Variants in NIM1K observed in about 807,000 individuals in gnomAD.
The protein encoded by NIM1K is serine/threonine-protein kinase NIM1.
NIM1K carries 35 observed loss-of-function variants against 37.1 expected under a neutral mutation model. That is an observed-to-expected ratio of 0.94 (90% confidence interval 0.72 to 1.25). NIM1K has a LOEUF of 1.25. Ranked by LOEUF, NIM1K falls within the 50% of genes most tolerant of loss-of-function variation. NIM1K has a pLI of 0.00. For missense variants in NIM1K, 564 were observed against 548.0 expected (o/e 1.03, Z -0.29); for synonymous variants, 234 against 206.6 (o/e 1.13, Z -1.14).
intron 2 of NIM1K, among the ~76,000 whole-genome samples, chr5:43,275,674 T>A (rs866697858): frequency 2.0e-5 from 3 of 151,926 alleles, no homozygotes; most frequent in African/African-American, 7.3e-5. Context: ...GAGAGGGAGA[T>A]AAACAAGGGA....
In NIM1K at chr5:43,277,039, T is replaced by G; in HGVS notation, c.293-18T>G. 1 of 1,611,764 alleles carries G rather than the reference T, an allele frequency of 6.2e-7. No homozygotes were observed. The highest frequency in any genetic ancestry group is 8.5e-7 in the Non-Finnish European group (1 of 1,179,142). On this transcript the variant is annotated intron_variant, in intron 2 of 3. Transcript: ENST00000326035. ...CTCCTGTGAATTCTGGCACAATTTT[T>G]ACTTTTTTTCCTTGCAGAAAAGGTG...
intron 1 of NIM1K, among the ~76,000 whole-genome samples, chr5:43,229,370 G>A (rs1412916269): frequency 1.2e-5 from 1 of 83,546 alleles, no homozygotes. Context: ...GGCTACAAGA[G>A]CAAAACTCCA....
chr5:43,258,565 T>C (rs1231858370), intron 2 of NIM1K, among the ~76,000 whole-genome samples: 1 of 151,958 alleles, frequency 6.6e-6, no homozygotes, highest in African/African-American at 2.4e-5. Flanking sequence ...CCTCAGCCTC[T>C]GGAGTAGCTG....
At chr5:43,264,110 C>T (rs145289875) in intron 2 of NIM1K, among the ~76,000 whole-genome samples, 2 of 152,166 alleles carry the variant, frequency 1.3e-5, no homozygotes, top group East Asian at 1.9e-4. Context: ...GATTTGGGGT[C>T]GAGAGTTCTG....
At chr5:43,273,165 G>A (rs964370523) in intron 2 of NIM1K, among the ~76,000 whole-genome samples, 2 of 150,654 alleles carry the variant, frequency 1.3e-5, no homozygotes, top group Admixed American at 6.6e-5. Context: ...CAGGCTTGCT[G>A]CTCCTCTCTG....
At chr5:43,207,361 G>A in intron 1 of NIM1K, 1 of 784,114 alleles carries the variant, frequency 1.3e-6, no homozygotes, top group South Asian at 1.3e-5. Flanking sequence ...ACCAAATGGT[G>A]ATCAATAGAT....
rs771487658 is a variant in NIM1K at position 43,246,053 on chromosome 5, A to G, written c.278A>G (p.His93Arg). 4 of 1,611,410 alleles carry G rather than the reference A, an allele frequency of 2.5e-6. No homozygotes were observed. In the Admixed American group the frequency reaches 6.7e-5, roughly 27 times the overall value. ...TTCTCCCAAGTGAAGCTTGGGATTC[A>G]CTCCCTAACCAAAGGTAGGATCCGA... ...GNFSQVKLGI[H>R]SLTKEKVAIK... The change falls in exon 2 of 4, where the codon CAC becomes CGC. Residue 93 changes from histidine (H) to arginine (R), a missense_variant. Transcript: ENST00000326035.
chr5:43,211,193 G>C (rs1752199397), intron 1 of NIM1K, among the ~76,000 whole-genome samples: 1 of 152,020 alleles, frequency 6.6e-6, no homozygotes. Flanking sequence ...AGAAAAGAAA[G>C]AGGAAAGAAA....
At chr5:43,232,107 TG>T in intron 1 of NIM1K, 1 of 1,050,506 alleles carries the variant, frequency 9.5e-7, no homozygotes, top group Non-Finnish European at 1.4e-6. Flanking sequence ...TGGCAGTTAA[TG>T]CCAACCTTGA....
intron 1 of NIM1K, among the ~76,000 whole-genome samples, chr5:43,227,004 G>A (rs771690244): frequency 5.3e-5 from 8 of 152,200 alleles, no homozygotes; most frequent in Non-Finnish European, 1.0e-4. Flanking sequence ...GTGAGAACAA[G>A]CAGGTTCCAT....
At chr5:43,260,101 A>C (rs1160858109) in intron 2 of NIM1K, among the ~76,000 whole-genome samples, 1 of 152,142 alleles carries the variant, frequency 6.6e-6, no homozygotes, top group African/African-American at 2.4e-5. Context: ...GTTTTAAAAA[A>C]AGAGAAAAAT....
At chr5:43,251,607 C>T (rs551727328) in intron 2 of NIM1K, among the ~76,000 whole-genome samples, 18 of 152,216 alleles carry the variant, frequency 1.2e-4, no homozygotes, top group East Asian at 1.2e-3. Context: ...GAAGTAGGGC[C>T]GGGTCTTAAG....
At chr5:43,213,315 CTT>C (rs1247789993) in intron 1 of NIM1K, among the ~76,000 whole-genome samples, 1 of 113,384 alleles carries the variant, frequency 8.8e-6, no homozygotes, top group African/African-American at 3.2e-5. Context: ...CTTTTCTTTT[CTT>C]TTCTTTTCTT....
intron 2 of NIM1K, among the ~76,000 whole-genome samples, chr5:43,274,714 T>C (rs528702148): frequency 3.3e-5 from 5 of 152,332 alleles, no homozygotes; most frequent in Non-Finnish European, 7.4e-5. Flanking sequence ...TATTGCCTCC[T>C]GCGAGGGGCG....
chr5:43,231,238 G>C (rs1752533865), intron 1 of NIM1K, among the ~76,000 whole-genome samples: 1 of 152,194 alleles, frequency 6.6e-6, no homozygotes, highest in African/African-American at 2.4e-5. Context: ...GATTGCTTGG[G>C]TCCAGGAGAT....
At chr5:43,274,092 G>A (rs1006132939) in intron 2 of NIM1K, among the ~76,000 whole-genome samples, 2 of 152,260 alleles carry the variant, frequency 1.3e-5, no homozygotes, top group Admixed American at 6.5e-5. Flanking sequence ...GCCTGCCTGT[G>A]GGGTGATTGC....
intron 1 of NIM1K, among the ~76,000 whole-genome samples, chr5:43,195,592 T>C (rs1485353465): frequency 1.3e-5 from 2 of 150,604 alleles, no homozygotes; most frequent in Non-Finnish European, 1.5e-5. Flanking sequence ...CCTGGGAGGT[T>C]CAAGGCTGCA....
chr5:43,248,271 T>G (rs1041529517), intron 2 of NIM1K, among the ~76,000 whole-genome samples: 2 of 151,894 alleles, frequency 1.3e-5, no homozygotes, highest in Non-Finnish European at 2.9e-5. Context: ...GGGTAAAGGG[T>G]TGGAAAACTT....
At chr5:43,200,641 C>A (rs555936200) in intron 1 of NIM1K, among the ~76,000 whole-genome samples, 31 of 152,240 alleles carry the variant, frequency 2.0e-4, no homozygotes, top group African/African-American at 7.0e-4. Flanking sequence ...CCGTAAGATA[C>A]ACAACAAGTC....
Sources: allele counts gnomAD v4.1 joint callset (sites outside exome capture counted in the v4.1 genomes callset), GRCh38; gene constraint gnomAD v4.1.1; transcripts MANE v1.5; gene names NCBI Gene and HGNC (gene_info 2026-07-23, HGNC 2026-07-21).